DNAJB5: variants seen among roughly 807,000 people sequenced by gnomAD.
DNAJB5 encodes dnaJ homolog subfamily B member 5.
DNAJB5 carries 12 observed loss-of-function variants against 32.6 expected under a neutral mutation model. The ratio of observed to expected loss-of-function variants is 0.37; its 90% CI spans 0.24 to 0.60. The LOEUF is 0.60. Among genes scored for constraint, DNAJB5 ranks in the 20% least tolerant of loss-of-function variants. DNAJB5 has a pLI of 0.71. For missense variants in DNAJB5, 358 were observed against 554.2 expected (o/e 0.65, Z 3.55); for synonymous variants, 188 against 212.9 (o/e 0.88, Z 1.02).
rs567012577 is a variant in DNAJB5, at chr9:34,993,002, C to T, written c.183-198C>T. 2 of 1,414,542 alleles carry T rather than the reference C, an allele frequency of 1.4e-6. No homozygotes were observed. The highest frequency in any genetic ancestry group is 2.6e-5 in the East Asian group (1 of 38,796). 87.6% of individuals were successfully genotyped at this position (1,414,542 alleles called of 1,614,324 possible). A position where few individuals can be genotyped will look rare whatever the true frequency, so the allele number is the denominator to read the frequency against. Reference sequence around the variant, plus strand: ...AACCCAGGAGGTGAGGACGGAATCACAGAATTCTAGAATGTCAGAGCCAGA... The same window carrying T: ...AACCCAGGAGGTGAGGACGGAATCATAGAATTCTAGAATGTCAGAGCCAGA... On this transcript the variant is annotated intron_variant, in intron 2 of 4. Coordinates refer to ENST00000682809, the MANE Select transcript of DNAJB5 (RefSeq NM_001349723.3). The surrounding 1 kb of genome is among the most constrained non-coding windows in gnomAD (Gnocchi z 4.7).
chr9:34,992,115 G>C (rs999765112), intron 2 of DNAJB5: 1 of 152,456 alleles, frequency 6.6e-6, no homozygotes, highest in Non-Finnish European at 1.5e-5. Context: ...ATCCCCCAGA[G>C]AGCTCTAGCT....
chr9:34,996,454 A>C lies in DNAJB5; in HGVS notation c.617A>C (p.Asp206Ala). The change falls in exon 4 of 5, where the codon GAT becomes GCT. Residue 206 changes from aspartate to alanine, a missense_variant. By Grantham distance (126) the Asp-to-Ala change is moderately radical. Coordinates refer to ENST00000682809, the MANE Select transcript of DNAJB5 (RefSeq NM_001349723.3). The surrounding 1 kb of genome is among the most constrained non-coding windows in gnomAD (Gnocchi z 7.2). ...CCAGATGACATGGATGTGGATGAAG[A>C]TGAGGACCCATTTGGCGCTTTCGGC... ...FDPDDMDVDE[D>A]EDPFGAFGRF... The C allele has an allele frequency of 6.2e-7, 1 of 1,614,126 alleles. No individual in the cohort carries two copies. The highest frequency in any genetic ancestry group is 8.5e-7 in the Non-Finnish European group (1 of 1,180,004).
intron 2 of DNAJB5, chr9:34,991,948 G>C (rs1180594039): frequency 6.3e-6 from 1 of 158,768 alleles, no homozygotes; most frequent in African/African-American, 2.4e-5. Flanking sequence ...CTCCTGGAAG[G>C]ACACCCTGTA....
rs1827792675 is a variant in DNAJB5, at chr9:34,996,312, C to T, written c.475C>T (p.His159Tyr). Reference sequence around the variant, plus strand: ...ATCAGGTGGCTCCAGTGGCTCCTTTCACTACACCTTTCATGGGGACCCCCA... The same window carrying T: ...ATCAGGTGGCTCCAGTGGCTCCTTTTACTACACCTTTCATGGGGACCCCCA... ...GTSGGSSGSF[H>Y]YTFHGDPHAT... The change falls in exon 4 of 5, where the codon CAC becomes TAC. Residue 159 changes from histidine to tyrosine, a missense_variant. Around this residue, in one of 2 missense-constraint regions of DNAJB5, gnomAD observed 248 missense variants for 442.6 expected, o/e 0.56. Coordinates refer to ENST00000682809, the MANE Select transcript of DNAJB5 (RefSeq NM_001349723.3). The surrounding 1 kb of genome is among the most constrained non-coding windows in gnomAD (Gnocchi z 7.2). 1 of 1,614,148 alleles carries T rather than the reference C, an allele frequency of 6.2e-7. No individual in the cohort carries two copies.
In DNAJB5 at chr9:34,996,779, C is replaced by A. The variant is rs746489244; in HGVS notation, c.942C>A (p.Ile314=). Residue 314 remains isoleucine (I), a synonymous_variant, in exon 4 of 5, where the codon ATC becomes ATA. Transcript: ENST00000682809. The surrounding 1 kb of genome is among the most constrained non-coding windows in gnomAD (Gnocchi z 7.2). ...CACCTGACAACATCCCTGCTGACAT[C>A]GTCTTTGTGCTCAAAGACAAGCCCC... The part of the protein sequence containing the change: ...DATPDNIPAD[I]VFVLKDKPHA... 6.2e-7 allele frequency: 1 copy of A among 1,614,058 alleles called. No homozygotes were observed. The highest frequency in any genetic ancestry group is 1.7e-5 in the Admixed American group (1 of 60,026).
chr9:34,996,125 T>C lies in DNAJB5; in HGVS notation c.428-140T>C. 1 of 1,113,032 alleles carries C rather than the reference T, an allele frequency of 9.0e-7. No individual in the cohort carries two copies. The highest frequency in any genetic ancestry group is 1.2e-6 in the Non-Finnish European group (1 of 801,256). 68.9% of individuals were successfully genotyped at this position (1,113,032 alleles called of 1,614,324 possible). On this transcript the variant is annotated intron_variant, in intron 3 of 4. Transcript: ENST00000682809. This position sits in a 1 kb window ranked among gnomAD's most constrained non-coding sequence, Gnocchi z 7.2. ...ATCTTGCCAGAAGCCTTTCTTACTC[T>C]ATTAGCCTGGCCCTCTCTGTGGGAT...
In DNAJB5 at chr9:34,990,530, C is replaced by G; in HGVS notation, c.-101C>G. On this transcript the variant is annotated 5_prime_UTR_variant, in exon 2 of 5. Coordinates refer to ENST00000682809, the MANE Select transcript of DNAJB5 (RefSeq NM_001349723.3). This position sits in a 1 kb window ranked among gnomAD's most constrained non-coding sequence, Gnocchi z 4.5. ...CACCTGCTGCGCCAGACAGGCCTTG[C>G]TGGGCACGCGCCTCTGAGAGTCCAA... is the stretch of plus-strand genomic sequence containing the variant. 1 of 1,545,250 alleles carries G rather than the reference C, an allele frequency of 6.5e-7. No individual in the cohort carries two copies. The highest frequency in any genetic ancestry group is 8.7e-7 in the Non-Finnish European group (1 of 1,146,694).
chr9:34,996,644 C>T lies in DNAJB5; in HGVS notation c.807C>T (p.Leu269=). 6.2e-7 allele frequency: 1 copy of T among 1,614,154 alleles called. No individual in the cohort carries two copies. The highest frequency in any genetic ancestry group is 8.5e-7 in the Non-Finnish European group (1 of 1,180,026). The change falls in exon 4 of 5, where the codon CTC becomes CTT. Residue 269 remains leucine, a synonymous_variant. Transcript: ENST00000682809. The surrounding 1 kb of genome is among the most constrained non-coding windows in gnomAD (Gnocchi z 7.2). The part of the protein sequence containing the change: ...TKRMKITRRR[L]NPDGRTVRTE... ...GCATGAAGATCACAAGGCGTCGCCT[C>T]AACCCTGATGGGCGAACTGTGCGCA...
rs775715828 is a variant in DNAJB5 at position 34,993,462 on chromosome 9, C to T, written c.427+18C>T. 1.9e-6 allele frequency: 3 copies of T among 1,601,926 alleles called. No homozygotes were observed. The South Asian group carries it at 3.4e-5, about 18-fold the overall frequency. On this transcript the variant is annotated intron_variant, in intron 3 of 4. Coordinates refer to ENST00000682809, the MANE Select transcript of DNAJB5 (RefSeq NM_001349723.3). This position sits in a 1 kb window ranked among gnomAD's most constrained non-coding sequence, Gnocchi z 4.7. ...GGAGGAAGGTAAGAGGGCAGCACTC[C>T]AGCCCAATCCCGGACCCCTCCGCTT...
Position 34,997,333 on chromosome 9 carries a change from T to C in DNAJB5, c.*74T>C. The C allele has an allele frequency of 6.8e-7, 1 of 1,481,016 alleles. No individual in the cohort carries two copies. Among genetic ancestry groups the C allele is most frequent in the African/African-American group, 1.4e-5 (1 of 72,356 alleles). 91.7% of individuals were successfully genotyped at this position (1,481,016 alleles called of 1,614,324 possible). On this transcript the variant is annotated 3_prime_UTR_variant, in exon 5 of 5. Coordinates refer to ENST00000682809, the MANE Select transcript of DNAJB5 (RefSeq NM_001349723.3). This position sits in a 1 kb window ranked among gnomAD's most constrained non-coding sequence, Gnocchi z 4.1. ...TCACTCCACTCAATGTGCACCCAGC[T>C]TGATGTCCACTGGACACTGGCAACT... is the stretch of plus-strand genomic sequence containing the variant.
rs927805802 is a variant in DNAJB5 at position 34,990,778 on chromosome 9, C to T, written c.148C>T (p.Arg50Ter). 1.3e-6 allele frequency: 2 copies of T among 1,551,620 alleles called. No individual in the cohort carries two copies. The highest frequency in any genetic ancestry group is 1.7e-6 in the Non-Finnish European group (2 of 1,146,948). ...FKIQLEPLKL[R>*]AWTLNGFVKF... The stretch of plus-strand genomic sequence containing the variant: ...AATTCAGCTGGAGCCCTTAAAACTT[C>T]GAGCGTGGACGCTGAATGGGTTTGT... Residue 50 changes from arginine to a stop codon, truncating the protein, a stop_gained, in exon 2 of 5, where the codon CGA becomes TGA. Transcript: ENST00000682809. LOFTEE classifies it high-confidence loss of function. The surrounding 1 kb of genome is among the most constrained non-coding windows in gnomAD (Gnocchi z 4.5).
downstream of DNAJB5, chr9:34,998,885 G>C (rs1827871642): frequency 6.8e-6 from 1 of 148,128 alleles, no homozygotes; most frequent in African/African-American, 2.5e-5. Flanking sequence ...TGCGATCTTG[G>C]TTCACTGCAG....
rs1489672948 is a variant in DNAJB5 at position 34,997,621 on chromosome 9, T to C, written c.*362T>C. 2 of 377,438 alleles carry C rather than the reference T, an allele frequency of 5.3e-6. No individual in the cohort carries two copies. Among genetic ancestry groups the C allele is most frequent in the Non-Finnish European group, 1.0e-5 (2 of 195,204 alleles). The allele number at this position is 377,438 out of a possible 1,614,324, so 23.4% of individuals were successfully genotyped here. On this transcript the variant is annotated 3_prime_UTR_variant, in exon 5 of 5. Coordinates refer to ENST00000682809, the MANE Select transcript of DNAJB5 (RefSeq NM_001349723.3). This position sits in a 1 kb window ranked among gnomAD's most constrained non-coding sequence, Gnocchi z 4.1. ...GTCCTCCTCCCCTCAGCTTTGCTAATACCAGTCCCCTCCCTTCCCTTTGGC... is the reference window on the plus strand; with the variant it reads ...GTCCTCCTCCCCTCAGCTTTGCTAACACCAGTCCCCTCCCTTCCCTTTGGC...
chr9:34,992,690 G>C (rs1274374480), intron 2 of DNAJB5: 3 of 716,994 alleles, frequency 4.2e-6, no homozygotes, highest in South Asian at 5.9e-5. Context: ...ACTCAGTCTG[G>C]CTGGCCAGGA....
At chr9:34,992,691 C>A in intron 2 of DNAJB5, 1 of 729,806 alleles carries the variant, frequency 1.4e-6, no homozygotes, top group Non-Finnish European at 1.7e-6. Flanking sequence ...CTCAGTCTGG[C>A]TGGCCAGGAC....
Position 34,993,112 on chromosome 9 carries a change from A to AG in DNAJB5, c.183-85dup. 1 of 1,487,070 alleles carries AG rather than the reference A, an allele frequency of 6.7e-7. No homozygotes were observed. Among genetic ancestry groups the AG allele is most frequent in the Non-Finnish European group, 8.9e-7 (1 of 1,122,470 alleles). The allele number at this position is 1,487,070 out of a possible 1,614,324, so 92.1% of individuals were successfully genotyped here. A position where few individuals can be genotyped will look rare whatever the true frequency, so the allele number is the denominator to read the frequency against. On this transcript the variant is annotated intron_variant, in intron 2 of 4. Coordinates refer to ENST00000682809, the MANE Select transcript of DNAJB5 (RefSeq NM_001349723.3). This position sits in a 1 kb window ranked among gnomAD's most constrained non-coding sequence, Gnocchi z 4.7. ...AGGCATGACCTGCTGAAGGTTACCC[A>AG]GGGAGTCATTTAGGGATTGCAAGAT...
At chr9:34,992,480 T>C (rs1470156058) in intron 2 of DNAJB5, 1 of 151,998 alleles carries the variant, frequency 6.6e-6, no homozygotes, top group African/African-American at 2.4e-5. Flanking sequence ...GGCAAATGAG[T>C]AAAGGGAACT....
chr9:34,991,008 A>T (rs981473616), intron 2 of DNAJB5, 196 bp downstream of exon 2: 4 of 613,514 alleles, frequency 6.5e-6, no homozygotes, highest in Non-Finnish European at 1.1e-5. Context: ...CCCTTCAGGT[A>T]TCCATTTTCC....
At position 34,989,839 on chromosome 9, in the gene DNAJB5, C is replaced by A; in HGVS notation, c.-133+8C>A. 1.6e-6 allele frequency: 2 copies of A among 1,234,732 alleles called. No homozygotes were observed. Among genetic ancestry groups the A allele is most frequent in the Non-Finnish European group, 2.0e-6 (2 of 989,576 alleles). The allele number at this position is 1,234,732 out of a possible 1,614,324, so 76.5% of individuals were successfully genotyped here. On this transcript the variant is annotated splice_region_variant and intron_variant, in intron 1 of 4. Transcript: ENST00000682809. ...GCCCGCAGCTCCTCACCGGTGAGGG[C>A]GCCAAGCCAGGACTCGGGGGTCCCG...
Sources: gnomAD v4.1 joint callset for allele counts on GRCh38, gnomAD v4.1.1 for gene constraint, gnomAD v4.1.1 regional missense constraint, Gnocchi (gnomAD v3.1) non-coding constraint, MANE v1.5 for transcripts, NCBI Gene and HGNC (gene_info 2026-07-23, HGNC 2026-07-21) for gene names.